The following MLLT3 variants were observed in gnomAD, a reference collection of about 807,000 sequenced individuals.
MLLT3 encodes the protein protein AF-9.
Under a neutral mutation model 53.2 loss-of-function variants are expected in MLLT3, and 4 were observed. The observed-to-expected ratio is 0.08, with a 90% CI of 0.04 to 0.17. MLLT3 has a LOEUF of 0.17. Ranked by LOEUF, MLLT3 falls within the 10% of genes least tolerant of loss-of-function variation. The probability of loss-of-function intolerance (pLI) is 1.00; values close to 1 mark genes in which losing one functional copy is unlikely to be tolerated. For missense variants in MLLT3, 569 were observed against 684.0 expected, an observed-to-expected ratio of 0.83 and a Z score of 1.87; for synonymous variants, 283 against 230.6, an observed-to-expected ratio of 1.23 and a Z score of -2.06.
chr9:20,509,800 A>T (rs1825480456), intron 2 of MLLT3, among the ~76,000 whole-genome samples: 1 of 152,214 alleles, frequency 6.6e-6, no homozygotes, highest in Non-Finnish European at 1.5e-5. Flanking sequence ...TATCCTGCCA[A>T]ATGATTAACT....
chr9:20,568,537 C>T (rs909918695), intron 2 of MLLT3, among the ~76,000 whole-genome samples: 1 of 152,122 alleles, frequency 6.6e-6, no homozygotes, highest in East Asian at 1.9e-4. Context: ...CATTCTAATA[C>T]AAGCAAACCA....
chr9:20,386,446 C>T (rs992875420), intron 5 of MLLT3, among the ~76,000 whole-genome samples: 7 of 152,178 alleles, frequency 4.6e-5, no homozygotes, highest in African/African-American at 1.7e-4. Context: ...GCTTTTCCTT[C>T]GTGGCTGTAG....
At chr9:20,447,165 T>C (rs566880615) in intron 4 of MLLT3, among the ~76,000 whole-genome samples, 1 of 152,146 alleles carries the variant, frequency 6.6e-6, no homozygotes, top group Admixed American at 6.6e-5. Flanking sequence ...ATGTATCCAA[T>C]AAAGAAAACT....
At chr9:20,442,594 A>T (rs1823582244) in intron 4 of MLLT3, among the ~76,000 whole-genome samples, 1 of 152,108 alleles carries the variant, frequency 6.6e-6, no homozygotes, top group East Asian at 1.9e-4. Context: ...ACCACCCTAC[A>T]CAAGATTCAT....
chr9:20,532,845 C>A, intron 2 of MLLT3: 3 of 254,808 alleles, frequency 1.2e-5, no homozygotes, highest in Non-Finnish European at 2.3e-5. Context: ...GCTGCTTAAG[C>A]TGGACCACAA....
At chr9:20,548,901 C>T (rs535306745) in intron 2 of MLLT3, among the ~76,000 whole-genome samples, 2 of 152,006 alleles carry the variant, frequency 1.3e-5, no homozygotes, top group East Asian at 3.9e-4. Context: ...GCATCCTCGA[C>T]CTCCCCCGGC....
At chr9:20,600,137 A>AT (rs1218442581) in intron 2 of MLLT3, among the ~76,000 whole-genome samples, 588 of 49,188 alleles carry the variant, frequency 0.012, 6 homozygotes, top group African/African-American at 0.042. Flanking sequence ...AAAAAAAAAA[A>AT]CAAAAAACAA....
At chr9:20,466,010 C>G (rs1824229786) in intron 2 of MLLT3, among the ~76,000 whole-genome samples, 1 of 152,078 alleles carries the variant, frequency 6.6e-6, no homozygotes, top group African/African-American at 2.4e-5. Flanking sequence ...TCCAGGAAAC[C>G]CTACATCCTT....
intron 5 of MLLT3, 121 bp from the exon 6 acceptor site, chr9:20,365,865 C>A: frequency 1.1e-6 from 1 of 883,778 alleles, no homozygotes; most frequent in South Asian, 1.7e-5. Context: ...TTCATTATGT[C>A]AAATTACTAA....
At chr9:20,352,008 C>T (rs1412482783) in intron 10 of MLLT3, among the ~76,000 whole-genome samples, 1 of 152,192 alleles carries the variant, frequency 6.6e-6, no homozygotes, top group Non-Finnish European at 1.5e-5. Context: ...TAAAAATTCA[C>T]AGATATTACT....
chr9:20,515,914 T>C (rs1018041262), intron 2 of MLLT3, among the ~76,000 whole-genome samples: 1 of 152,158 alleles, frequency 6.6e-6, no homozygotes, highest in East Asian at 1.9e-4. Flanking sequence ...TCAATATATA[T>C]TCCACACCAG....
chr9:20,506,888 T>C (rs1330003663), intron 2 of MLLT3, among the ~76,000 whole-genome samples: 1 of 152,216 alleles, frequency 6.6e-6, no homozygotes, highest in Non-Finnish European at 1.5e-5. Context: ...AGAAACCTAA[T>C]TTGATTAATT....
chr9:20,374,373 G>A (rs1336052941), intron 5 of MLLT3, among the ~76,000 whole-genome samples: 1 of 152,202 alleles, frequency 6.6e-6, no homozygotes, highest in Non-Finnish European at 1.5e-5. Flanking sequence ...GACAAGACAA[G>A]TCTCTGTCTC....
Position 20,358,811 on chromosome 9 carries a change from A to C in MLLT3, c.1431+1931T>G, listed in dbSNP as rs577693914. The stretch of plus-strand genomic sequence containing the variant: ...GCCCATGACGTATTGTAGCTCTCAT[A>C]TACCACCCACTGGATACAGAAATCA... On this transcript the variant is annotated intron_variant, in intron 8 of 10. Transcript: ENST00000380338. Among the ~76,000 whole-genome samples the C allele has an allele frequency of 8.5e-4, 129 of 152,272 alleles. 5 individuals carry two copies. The South Asian group carries it at 0.025, about 30-fold the overall frequency.
chr9:20,365,608 A>G (rs1821429899), intron 6 of MLLT3, 61 bp downstream of exon 6: 9 of 1,591,262 alleles, frequency 5.7e-6, no homozygotes, highest in East Asian at 2.2e-5. Context: ...TCAGCCTCCC[A>G]AAGTGCCATT....
rs1303139612 is a variant in MLLT3 at position 20,572,056 on chromosome 9, T to G, written c.193+48598A>C. Among the ~76,000 whole-genome samples the G allele has an allele frequency of 3.3e-5, 5 of 152,212 alleles. No individual in the cohort carries two copies. In the South Asian group the frequency reaches 8.3e-4, roughly 25 times the overall value. On this transcript the variant is annotated intron_variant, in intron 2 of 10. Transcript: ENST00000380338. ...ATCCAAAGGAAATGAAATCAGTATGTCAAAGAGACACATGGATGAACCTAG... is the reference window on the plus strand; with the variant it reads ...ATCCAAAGGAAATGAAATCAGTATGGCAAAGAGACACATGGATGAACCTAG...
At chr9:20,478,830 A>G (rs1824590661) in intron 2 of MLLT3, among the ~76,000 whole-genome samples, 1 of 152,122 alleles carries the variant, frequency 6.6e-6, no homozygotes, top group Non-Finnish European at 1.5e-5. Context: ...CCTGGAGGGA[A>G]GGAGAGAAGG....
intron 4 of MLLT3, among the ~76,000 whole-genome samples, chr9:20,427,349 T>G (rs565552772): frequency 1.7e-3 from 254 of 148,536 alleles, no homozygotes; most frequent in Non-Finnish European, 2.8e-3. Context: ...CTCAATGGAC[T>G]AGTTAAACAG....
intron 4 of MLLT3, among the ~76,000 whole-genome samples, chr9:20,441,755 A>C (rs373494839): frequency 6.6e-6 from 1 of 152,136 alleles, no homozygotes; most frequent in African/African-American, 2.4e-5. Context: ...AATCCAATGA[A>C]GCTGCCCAGT....
Sources: gnomAD v4.1 joint callset for allele counts (sites outside exome capture counted in the v4.1 genomes callset) on GRCh38, gnomAD v4.1.1 for gene constraint, MANE v1.5 for transcripts, NCBI Gene and HGNC (gene_info 2026-07-23, HGNC 2026-07-21) for gene names.